Variants in VPS53 observed in about 807,000 individuals in gnomAD.
The protein encoded by VPS53 is vacuolar protein sorting-associated protein 53 homolog.
Under a neutral mutation model 107.0 loss-of-function variants are expected in VPS53, and 70 were observed. The observed-to-expected ratio is 0.65, with a 90% CI of 0.54 to 0.80. The LOEUF is 0.80. Among genes scored for constraint, VPS53 ranks in the 30% least tolerant of loss-of-function variants. The pLI is 0.00. For missense variants in VPS53, 917 were observed against 1,049.4 expected (o/e 0.87, Z 1.74); for synonymous variants, 409 against 393.3 (o/e 1.04, Z -0.47).
intron 15 of VPS53, among the ~76,000 whole-genome samples, chr17:559,418 T>G (rs1446995268): frequency 6.6e-6 from 1 of 152,238 alleles, no homozygotes; most frequent in Non-Finnish European, 1.5e-5. Context: ...TTGGAGGTCC[T>G]TACAGATAGT....
rs1907995807 is a variant in VPS53, at chr17:512,292, T to G, written c.*6836A>C. On this transcript the variant is annotated 3_prime_UTR_variant, in exon 22 of 22. Transcript: ENST00000437048. ...AGCAAGTGCATATAGCCCGGTCTTG[T>G]GTGACCTTCACAGCCAATATTCATT... is the stretch of plus-strand genomic sequence containing the variant. The G allele has an allele frequency of 6.6e-6, 1 of 152,242 alleles. No homozygotes were observed. Among genetic ancestry groups the G allele is most frequent in the Non-Finnish European group, 1.5e-5 (1 of 68,046 alleles). The allele number at this position is 152,242 out of a possible 1,614,324, so 9.4% of individuals were successfully genotyped here. A position where few individuals can be genotyped will look rare whatever the true frequency, so the allele number is the denominator to read the frequency against.
At chr17:627,355 G>T (rs778058134) in intron 9 of VPS53, 39 bp from the exon 10 acceptor site, 1 of 1,589,134 alleles carries the variant, frequency 6.3e-7, no homozygotes, top group Non-Finnish European at 8.6e-7. Flanking sequence ...CCAGTGGTTA[G>T]AAGTAGAAAT....
intron 11 of VPS53, among the ~76,000 whole-genome samples, chr17:616,841 C>T (rs763869163): frequency 5.3e-5 from 8 of 152,234 alleles, no homozygotes; most frequent in Non-Finnish European, 1.0e-4. Context: ...CGTTCCCTTA[C>T]CACTTTTGGC....
Position 699,379 on chromosome 17 carries a change from G to T in VPS53, c.170C>A (p.Ser57Tyr). 6.4e-7 allele frequency: 1 copy of T among 1,563,430 alleles called. No homozygotes were observed. The highest frequency in any genetic ancestry group is 8.6e-7 in the Non-Finnish European group (1 of 1,159,728). The change falls in exon 3 of 22, where the codon TCT (serine) becomes TAT (tyrosine). Residue 57 changes from serine to tyrosine, a missense_variant and splice_region_variant. Coordinates refer to ENST00000437048, the MANE Select transcript of VPS53 (RefSeq NM_001128159.3). The stretch of plus-strand genomic sequence containing the variant: ...CACGACTTCGTCTATGTTCGCCAGA[G>T]ACTACAATAAAGAAGGAAGAGTGCC... ...YINTLFPTEQ[S>Y]LANIDEVVNK...
At chr17:626,208 C>CAAA (rs79430823) in intron 10 of VPS53, among the ~76,000 whole-genome samples, 1 of 114,740 alleles carries the variant, frequency 8.7e-6, no homozygotes, top group Non-Finnish European at 1.9e-5. Context: ...GACCCCGTCT[C>CAAA]AAAAAAAAAA....
At position 524,373 on chromosome 17, in the gene VPS53, G is replaced by A. The variant is rs535874098; in HGVS notation, c.2086-2635C>T. Among the ~76,000 whole-genome samples the A allele has an allele frequency of 2.0e-5, 3 of 152,310 alleles. 1 individual carries two copies. In the East Asian group the frequency reaches 5.8e-4, roughly 29 times the overall value. On this transcript the variant is annotated intron_variant, in intron 19 of 21. Coordinates refer to ENST00000437048, the MANE Select transcript of VPS53 (RefSeq NM_001128159.3). The surrounding 1 kb of genome is among the most constrained non-coding windows in gnomAD (Gnocchi z 4.5). ...GGGTGGAGAAGAATGTCAAACATCA[G>A]AAAGAATGAACCACCTACCCTAAAA...
chr17:550,964 G>T (rs185449860), intron 17 of VPS53, among the ~76,000 whole-genome samples: 1 of 152,294 alleles, frequency 6.6e-6, no homozygotes, highest in African/African-American at 2.4e-5. Flanking sequence ...CAAGAATGAA[G>T]AATGAGTCAG....
At chr17:585,542 T>C (rs1967265920) in intron 13 of VPS53, among the ~76,000 whole-genome samples, 1 of 152,114 alleles carries the variant, frequency 6.6e-6, no homozygotes, top group South Asian at 2.1e-4. Flanking sequence ...CTTGGGAGAC[T>C]GCAGTGGGAG....
intron 8 of VPS53, among the ~76,000 whole-genome samples, chr17:629,451 C>T (rs907927508): frequency 5.3e-5 from 8 of 152,118 alleles, no homozygotes; most frequent in African/African-American, 1.7e-4. Flanking sequence ...TTAAGAAAAG[C>T]CCATAGTCTT....
chr17:583,891 C>T (rs554322175), intron 13 of VPS53, among the ~76,000 whole-genome samples: 1 of 151,948 alleles, frequency 6.6e-6, no homozygotes, highest in South Asian at 2.1e-4. Flanking sequence ...AGAGAACCTC[C>T]ATCAGGACCT....
At chr17:693,975 T>G (rs1355330943) in intron 4 of VPS53, among the ~76,000 whole-genome samples, 1 of 152,168 alleles carries the variant, frequency 6.6e-6, no homozygotes, top group Non-Finnish European at 1.5e-5. Context: ...CCAAGTCTGT[T>G]GCAGTCAAAT....
intron 14 of VPS53, among the ~76,000 whole-genome samples, chr17:562,253 G>C (rs946406430): frequency 1.3e-5 from 2 of 152,198 alleles, no homozygotes; most frequent in African/African-American, 4.8e-5. Flanking sequence ...CATACAATGG[G>C]ATTGGTTCTC....
At chr17:682,501 G>A (rs1340442415) in intron 4 of VPS53, among the ~76,000 whole-genome samples, 1 of 152,116 alleles carries the variant, frequency 6.6e-6, no homozygotes, top group Non-Finnish European at 1.5e-5. Context: ...AAGGAAGACG[G>A]GGGTGCCACA....
intron 18 of VPS53, among the ~76,000 whole-genome samples, chr17:535,720 C>T (rs892920254): frequency 1.3e-5 from 2 of 152,162 alleles, no homozygotes; most frequent in Non-Finnish European, 2.9e-5. Context: ...CTAATGAGCA[C>T]CCAGAGAGTG....
At chr17:629,192 A>T (rs556953813) in intron 8 of VPS53, among the ~76,000 whole-genome samples, 1 of 152,304 alleles carries the variant, frequency 6.6e-6, no homozygotes, top group South Asian at 2.1e-4. Flanking sequence ...AAGCTGCCTG[A>T]GACCTGAGTT....
At chr17:632,311 T>A (rs1376830680) in intron 7 of VPS53, among the ~76,000 whole-genome samples, 1 of 152,128 alleles carries the variant, frequency 6.6e-6, no homozygotes, top group Non-Finnish European at 1.5e-5. Context: ...GTAACTGCTG[T>A]CCTACTCCTT....
intron 11 of VPS53, among the ~76,000 whole-genome samples, chr17:612,165 T>C (rs1968912548): frequency 6.6e-6 from 1 of 151,872 alleles, no homozygotes; most frequent in African/African-American, 2.4e-5. Flanking sequence ...CCTGTACAAA[T>C]ATTCATAGTG....
intron 12 of VPS53, among the ~76,000 whole-genome samples, chr17:596,189 ATATCT>A (rs1259458964): frequency 2.4e-4 from 36 of 152,360 alleles, no homozygotes; most frequent in South Asian, 1.4e-3. Flanking sequence ...AGTTTTAGAA[ATATCT>A]TTATTTATTT....
chr17:608,112 A>T (rs1968668483), intron 11 of VPS53, among the ~76,000 whole-genome samples: 1 of 152,168 alleles, frequency 6.6e-6, no homozygotes, highest in African/African-American at 2.4e-5. Flanking sequence ...CCTTAAAGAG[A>T]TGGCTGCGGG....
Sources: gnomAD v4.1 joint callset for allele counts (sites outside exome capture counted in the v4.1 genomes callset) on GRCh38, gnomAD v4.1.1 for gene constraint, Gnocchi (gnomAD v3.1) non-coding constraint, MANE v1.5 for transcripts, NCBI Gene and HGNC (gene_info 2026-07-23, HGNC 2026-07-21) for gene names.